PRKAR1B: variants seen among roughly 807,000 people sequenced by gnomAD.
The protein encoded by PRKAR1B is protein kinase cAMP-dependent type I regulatory subunit beta, also known as cAMP-dependent protein kinase type I-beta regulatory subunit.
PRKAR1B carries 22 observed loss-of-function variants against 46.5 expected under a neutral mutation model. The observed-to-expected ratio is 0.47, with a 90% CI of 0.34 to 0.68. The LOEUF (loss-of-function observed/expected upper bound fraction) is 0.68, where lower values mean the gene tolerates loss of function less well. Ranked by LOEUF, PRKAR1B falls within the 30% of genes least tolerant of loss-of-function variation. The pLI is 0.01. For synonymous variants in PRKAR1B, 259 were observed against 217.7 expected, an observed-to-expected ratio of 1.19 and a Z score of -1.67; for missense variants, 445 against 535.6, an observed-to-expected ratio of 0.83 and a Z score of 1.67.
intron 7 of PRKAR1B, among the ~76,000 whole-genome samples, chr7:595,282 C>A (rs1212484936): frequency 6.6e-6 from 1 of 152,210 alleles, no homozygotes; most frequent in African/African-American, 2.4e-5. Flanking sequence ...CTGCTCAATG[C>A]CACCTTATCA....
At chr7:660,821 G>A (rs1282470827) in intron 4 of PRKAR1B, among the ~76,000 whole-genome samples, 2 of 91,272 alleles carry the variant, frequency 2.2e-5, no homozygotes, top group Non-Finnish European at 4.2e-5. Flanking sequence ...TCCCCCCCAT[G>A]GCACAGGTCC....
At chr7:601,754 C>T (rs1258704759) in intron 6 of PRKAR1B, among the ~76,000 whole-genome samples, 1 of 152,210 alleles carries the variant, frequency 6.6e-6, no homozygotes, top group African/African-American at 2.4e-5. Context: ...AGCCGGTTCC[C>T]GCAGGGGGCC....
chr7:670,573 G>A (rs1369302018), intron 4 of PRKAR1B, among the ~76,000 whole-genome samples: 5 of 142,638 alleles, frequency 3.5e-5, no homozygotes, highest in Non-Finnish European at 6.1e-5. Flanking sequence ...GACCGAGGAC[G>A]GCCTCCGAGC....
chr7:621,002 C>T (rs1783081355), intron 4 of PRKAR1B, among the ~76,000 whole-genome samples: 1 of 152,246 alleles, frequency 6.6e-6, no homozygotes, highest in Non-Finnish European at 1.5e-5. Context: ...TTTGTCAAAA[C>T]CTTTTCCAAC....
intron 9 of PRKAR1B, among the ~76,000 whole-genome samples, chr7:576,129 G>A (rs538864639): frequency 2.1e-5 from 3 of 143,798 alleles, no homozygotes; most frequent in Non-Finnish European, 4.5e-5. Context: ...ACACGGGCGG[G>A]CGTGCACGCT....
chr7:618,752 G>A (rs977901085), intron 4 of PRKAR1B, among the ~76,000 whole-genome samples: 3 of 152,140 alleles, frequency 2.0e-5, no homozygotes, highest in African/African-American at 7.2e-5. Context: ...TTGATAGAAG[G>A]GTTGGTACCT....
intron 2 of PRKAR1B, among the ~76,000 whole-genome samples, chr7:710,550 A>C (rs962446332): frequency 6.6e-6 from 1 of 152,026 alleles, no homozygotes; most frequent in East Asian, 1.9e-4. Context: ...ACACGTGCCG[A>C]AGGGTACTTT....
Position 551,487 on chromosome 7 carries a change from A to C in PRKAR1B, c.892-17T>G. 1 of 1,550,422 alleles carries C rather than the reference A, an allele frequency of 6.4e-7. No individual in the cohort carries two copies. The stretch of plus-strand genomic sequence containing the variant: ...CGCGGTGCCCTGTGGGTGGAGGTGG[A>C]CAGACGTGAGTGCCAGCCAGGCGGG... On this transcript the variant is annotated splice_polypyrimidine_tract_variant and intron_variant, in intron 9 of 10. Transcript: ENST00000537384.
chr7:609,083 T>C lies in PRKAR1B; in HGVS notation c.441-1631A>G, dbSNP rs186158318. Among the ~76,000 whole-genome samples the C allele has an allele frequency of 1.0e-4, 13 of 129,004 alleles. 1 individual carries two copies. The highest frequency in any genetic ancestry group is 9.1e-4 in the East Asian group (3 of 3,314). 84.6% of individuals were successfully genotyped at this position (129,004 alleles called of 152,430 possible). A position where few individuals can be genotyped will look rare whatever the true frequency, so the allele number is the denominator to read the frequency against. ...TGGGTGGCAGGGCTGTAGGGAGAGC[T>C]GGGGGCCCTCCACTCTCCGCCCATG... is the stretch of plus-strand genomic sequence containing the variant. On this transcript the variant is annotated intron_variant, in intron 4 of 10. Coordinates refer to ENST00000537384, the MANE Select transcript of PRKAR1B (RefSeq NM_001164760.2).
At chr7:607,879 G>T in intron 4 of PRKAR1B, 1 of 189,762 alleles carries the variant, frequency 5.3e-6, no homozygotes, top group Non-Finnish European at 1.1e-5. Context: ...AACACTTTCA[G>T]TCGAAGGAGC....
chr7:583,605 C>CA (rs373919817), intron 8 of PRKAR1B, among the ~76,000 whole-genome samples: 7,003 of 63,888 alleles, frequency 0.11, 326 homozygotes, highest in Non-Finnish European at 0.15. Context: ...TGCACACACA[C>CA]CCCCTCACAC....
intron 5 of PRKAR1B, among the ~76,000 whole-genome samples, 183 bp downstream of exon 5, chr7:607,208 G>C (rs1382117802): frequency 6.6e-6 from 1 of 152,060 alleles, no homozygotes; most frequent in Non-Finnish European, 1.5e-5. Context: ...CACCATGCTG[G>C]TCACCTGGAC....
chr7:560,120 G>A lies in PRKAR1B; in HGVS notation c.892-8650C>T, dbSNP rs1374739068. ...CATAATCCCCACGTGTTGTGGGAGG[G>A]ACCCAGGGGGCGGTAACTGAATCAT... On this transcript the variant is annotated intron_variant, in intron 9 of 10. Transcript: ENST00000537384. The surrounding 1 kb of genome is among the most constrained non-coding windows in gnomAD (Gnocchi z 4.2). Among the ~76,000 whole-genome samples the A allele has an allele frequency of 6.6e-6, 1 of 152,076 alleles. No individual in the cohort carries two copies. The highest frequency in any genetic ancestry group is 6.5e-5 in the Admixed American group (1 of 15,280).
intron 4 of PRKAR1B, among the ~76,000 whole-genome samples, chr7:620,351 G>A (rs974510733): frequency 3.3e-5 from 5 of 152,098 alleles, no homozygotes; most frequent in African/African-American, 9.7e-5. Context: ...TTCCTCCCTA[G>A]AGTCTTCTGT....
chr7:605,124 A>C (rs28372508), intron 6 of PRKAR1B, among the ~76,000 whole-genome samples: 19,181 of 152,232 alleles, frequency 0.13, 1,746 homozygotes, highest in African/African-American at 0.26. Flanking sequence ...GCAGAAGGAG[A>C]AGCAGGAGCT....
At chr7:606,297 G>A (rs570867053) in intron 5 of PRKAR1B, 58 bp from the exon 6 acceptor site, 5 of 1,561,008 alleles carry the variant, frequency 3.2e-6, no homozygotes, top group Non-Finnish European at 3.5e-6. Flanking sequence ...ACAAGTTACA[G>A]TTTCTCTTGC....
intron 4 of PRKAR1B, among the ~76,000 whole-genome samples, chr7:642,504 T>C (rs895972127): frequency 2.0e-5 from 3 of 152,156 alleles, no homozygotes; most frequent in Admixed American, 2.0e-4. Flanking sequence ...GGCGGGCGGA[T>C]CACGAGGTCA....
chr7:550,323 G>A lies in PRKAR1B; in HGVS notation c.*107C>T. ...GCAGTCCTCACGCTGCCGGGACCCAGCCCCACCCGGCCCACACCTCACACA... is the reference window on the plus strand; with the variant it reads ...GCAGTCCTCACGCTGCCGGGACCCAACCCCACCCGGCCCACACCTCACACA... On this transcript the variant is annotated 3_prime_UTR_variant, in exon 11 of 11. Transcript: ENST00000537384. The A allele has an allele frequency of 9.9e-7, 1 of 1,015,204 alleles. No individual in the cohort carries two copies. The highest frequency in any genetic ancestry group is 1.5e-5 in the South Asian group (1 of 64,938). The allele number at this position is 1,015,204 out of a possible 1,614,324, so 62.9% of individuals were successfully genotyped here.
At chr7:634,608 T>C (rs1783937916) in intron 4 of PRKAR1B, among the ~76,000 whole-genome samples, 2 of 151,308 alleles carry the variant, frequency 1.3e-5, no homozygotes, top group Admixed American at 1.3e-4. Context: ...CAGTGAAGCA[T>C]TTAAGGCGTG....
Sources: gnomAD v4.1 joint callset for allele counts (sites outside exome capture counted in the v4.1 genomes callset) on GRCh38, gnomAD v4.1.1 for gene constraint, Gnocchi (gnomAD v3.1) non-coding constraint, MANE v1.5 for transcripts, NCBI Gene and HGNC (gene_info 2026-07-23, HGNC 2026-07-21) for gene names.